OCIAD1: variants seen among roughly 807,000 people sequenced by gnomAD.
OCIAD1 encodes OCIA domain-containing protein 1.
OCIAD1 carries 29 observed loss-of-function variants against 38.9 expected under a neutral mutation model. The ratio of observed to expected loss-of-function variants is 0.74; its 90% CI spans 0.55 to 1.02. The LOEUF (loss-of-function observed/expected upper bound fraction) is 1.02, where lower values mean the gene tolerates loss of function less well. Ranked by LOEUF, OCIAD1 falls within the 50% of genes least tolerant of loss-of-function variation. The pLI is 0.00. For synonymous variants in OCIAD1, 110 were observed against 92.0 expected (o/e 1.20, Z -1.12); for missense variants, 288 against 289.6 (o/e 0.99, Z 0.04).
At chr4:48,832,590 A>T (rs768095346) in intron 1 of OCIAD1, 30 bp from the exon 2 acceptor site, 1 of 1,560,654 alleles carries the variant, frequency 6.4e-7, no homozygotes, top group African/African-American at 1.4e-5. Context: ...GATAGTTTCT[A>T]ATACTTAATA....
intron 7 of OCIAD1, among the ~76,000 whole-genome samples, chr4:48,854,759 C>T (rs990962189): frequency 1.3e-5 from 2 of 152,218 alleles, no homozygotes; most frequent in Admixed American, 1.3e-4. Context: ...CCAGCAGTGG[C>T]CTGCTTTTGC....
At chr4:48,816,792 G>A (rs1478257221) in intron 1 of OCIAD1, among the ~76,000 whole-genome samples, 3 of 150,756 alleles carry the variant, frequency 2.0e-5, no homozygotes, top group East Asian at 2.0e-4. Context: ...CCAACATGGC[G>A]AAACCCTGTC....
At chr4:48,827,215 T>C (rs772745261), upstream of OCIAD1, among the ~76,000 whole-genome samples, 3 of 152,230 alleles carry the variant, frequency 2.0e-5, no homozygotes, top group Non-Finnish European at 4.4e-5. Flanking sequence ...AATAAATCTT[T>C]TATTGACACT....
intron 1 of OCIAD1, among the ~76,000 whole-genome samples, chr4:48,810,343 CCTG>C: frequency 6.6e-6 from 1 of 151,568 alleles, no homozygotes; most frequent in Admixed American, 6.6e-5. Flanking sequence ...GTGGCGGGTG[CCTG>C]TAGTCCCAGC....
At chr4:48,830,457 G>A (rs1157817862), upstream of OCIAD1, 27 of 152,206 alleles carry the variant, frequency 1.8e-4, no homozygotes, top group Non-Finnish European at 1.5e-5. Context: ...TGAGTAAAAT[G>A]CTGATTGGCT....
At chr4:48,836,928 TA>T (rs1267224213) in intron 3 of OCIAD1, among the ~76,000 whole-genome samples, 1 of 152,232 alleles carries the variant, frequency 6.6e-6, no homozygotes, top group Non-Finnish European at 1.5e-5. Flanking sequence ...CATCATAAAG[TA>T]AGGGCTTCTA....
chr4:48,811,906 AG>A, intron 1 of OCIAD1, among the ~76,000 whole-genome samples: 1 of 152,250 alleles, frequency 6.6e-6, no homozygotes, highest in East Asian at 1.9e-4. Context: ...ATTTGGTTTG[AG>A]GTATGTAAAG....
At position 48,857,203 on chromosome 4, in the gene OCIAD1, G is replaced by A; in HGVS notation, c.548-10G>A. On this transcript the variant is annotated splice_polypyrimidine_tract_variant and intron_variant, in intron 7 of 8. Transcript: ENST00000264312. ...TTTTATTACCATTTATTAACTGTTTGTTGTTTTAGGACCTGATCCCAACCT... is the reference window on the plus strand; with the variant it reads ...TTTTATTACCATTTATTAACTGTTTATTGTTTTAGGACCTGATCCCAACCT... 1 of 1,504,028 alleles carries A rather than the reference G, an allele frequency of 6.6e-7. No homozygotes were observed. Among genetic ancestry groups the A allele is most frequent in the Non-Finnish European group, 8.9e-7 (1 of 1,125,268 alleles). The allele number at this position is 1,504,028 out of a possible 1,614,324, so 93.2% of individuals were successfully genotyped here.
At chr4:48,825,782 C>T (rs987995882) in intron 1 of OCIAD1, among the ~76,000 whole-genome samples, 35 of 151,366 alleles carry the variant, frequency 2.3e-4, no homozygotes, top group African/African-American at 7.8e-4. Flanking sequence ...CCCTCCCTCC[C>T]TTCTCTCTCT....
chr4:48,843,736 A>G (rs1778737585), intron 4 of OCIAD1, among the ~76,000 whole-genome samples: 1 of 152,214 alleles, frequency 6.6e-6, no homozygotes. Context: ...AACAAAACAA[A>G]AAAAACCCCA....
chr4:48,842,608 T>C (rs760544657), intron 3 of OCIAD1, 28 bp from the exon 4 acceptor site: 8 of 1,499,132 alleles, frequency 5.3e-6, no homozygotes, highest in Middle Eastern at 1.7e-4. Context: ...CTTTTGTTGA[T>C]GTTAACAAGG....
intron 1 of OCIAD1, among the ~76,000 whole-genome samples, chr4:48,824,503 C>T (rs896910451): frequency 5.9e-5 from 9 of 152,000 alleles, no homozygotes; most frequent in African/African-American, 2.2e-4. Context: ...GCCTCCACCT[C>T]CTGGGTAGCT....
chr4:48,815,110 G>A lies in OCIAD1; in HGVS notation c.-103+9780G>A, dbSNP rs1001244185. ...GGGCAGATCATGAGGTCAGGAGTTC[G>A]AGACCAGTCTGGCCAACATAGTGAA... On this transcript the variant is annotated intron_variant, in intron 1 of 6. Transcript: ENST00000504654. 1.0e-3 allele frequency among the ~76,000 whole-genome samples: 159 copies of A among 152,032 alleles called. 1 individual carries two copies. Among genetic ancestry groups the A allele is most frequent in the Non-Finnish European group, 2.9e-4 (20 of 68,008 alleles).
At chr4:48,812,663 C>T in intron 1 of OCIAD1, among the ~76,000 whole-genome samples, 1 of 152,192 alleles carries the variant, frequency 6.6e-6, no homozygotes, top group South Asian at 2.1e-4. Flanking sequence ...TTGACAAGGA[C>T]ATTTGCTTAG....
At chr4:48,840,746 C>G (rs1056002859) in intron 3 of OCIAD1, among the ~76,000 whole-genome samples, 1 of 150,012 alleles carries the variant, frequency 6.7e-6, no homozygotes, top group Non-Finnish European at 1.5e-5. Flanking sequence ...CCTGTAATCC[C>G]AGCACTTTGG....
chr4:48,807,658 C>T (rs1458939916), intron 1 of OCIAD1, among the ~76,000 whole-genome samples: 1 of 151,962 alleles, frequency 6.6e-6, no homozygotes, highest in African/African-American at 2.4e-5. Flanking sequence ...CACTGGTTTC[C>T]GGTTGCAGGC....
rs576203754 is a variant in OCIAD1 at position 48,837,642 on chromosome 4, CTT to C, written c.139+4180_139+4181del. On this transcript the variant is annotated intron_variant, in intron 3 of 8. Transcript: ENST00000264312. ...TTGGCTGTATACTCCAGCAACAGTT[CTT>C]TTTTTTTTTTTTTTTTTTAAATCTT... Among the ~76,000 whole-genome samples the C allele has an allele frequency of 2.7e-3, 262 of 97,594 alleles. 1 individual carries two copies. Among genetic ancestry groups the C allele is most frequent in the African/African-American group, 6.8e-3 (188 of 27,848 alleles). The allele number at this position is 97,594 out of a possible 152,430, so 64.0% of individuals were successfully genotyped here. A position where few individuals can be genotyped will look rare whatever the true frequency, so the allele number is the denominator to read the frequency against.
At chr4:48,810,351 C>T (rs1405577037) in intron 1 of OCIAD1, among the ~76,000 whole-genome samples, 2 of 151,650 alleles carry the variant, frequency 1.3e-5, no homozygotes, top group East Asian at 1.9e-4. Flanking sequence ...TGCCTGTAGT[C>T]CCAGCTACTC....
At chr4:48,832,840 T>G in intron 2 of OCIAD1, 158 bp downstream of exon 2, 1 of 646,944 alleles carries the variant, frequency 1.5e-6, no homozygotes, top group Non-Finnish European at 2.8e-6. Context: ...TTGAAATTCA[T>G]AATCATTTGG....
Sources: allele counts gnomAD v4.1 joint callset (sites outside exome capture counted in the v4.1 genomes callset), GRCh38; gene constraint gnomAD v4.1.1; transcripts MANE v1.5; gene names NCBI Gene and HGNC (gene_info 2026-07-23, HGNC 2026-07-21).